Variants in KLF12 observed in about 807,000 individuals in gnomAD.
The protein encoded by KLF12 is Krueppel-like factor 12.
KLF12 carries 9 observed loss-of-function variants against 37.8 expected under a neutral mutation model. The ratio of observed to expected loss-of-function variants is 0.24; its 90% CI spans 0.14 to 0.42. The LOEUF (loss-of-function observed/expected upper bound fraction) is 0.42, where lower values mean the gene tolerates loss of function less well. Ranked by LOEUF, KLF12 falls within the 10% of genes least tolerant of loss-of-function variation. KLF12 has a pLI of 1.00. For missense variants in KLF12, 411 were observed against 516.0 expected (o/e 0.80, Z 1.97); for synonymous variants, 208 against 202.1 (o/e 1.03, Z -0.25).
chr13:74,143,362 A>AAATACAATTTCATTCTCAATTCCG, the KLF12 span, among the ~76,000 whole-genome samples: 48 of 152,210 alleles, frequency 3.2e-4, no homozygotes, highest in African/African-American at 1.1e-3. Flanking sequence ...TCTCAATTCC[A>AAATACAATTTCATTCTCAATTCCG]AATAAAAATG....
chr13:74,295,118 C>T, the KLF12 span, among the ~76,000 whole-genome samples: 52 of 152,328 alleles, frequency 3.4e-4, no homozygotes, highest in Middle Eastern at 3.4e-3. Context: ...AATGGAGATA[C>T]TACTGCTTAT....
chr13:73,847,019 G>T (rs1048150171), intron 3 of KLF12, among the ~76,000 whole-genome samples: 3 of 152,104 alleles, frequency 2.0e-5, no homozygotes, highest in Admixed American at 2.0e-4. Flanking sequence ...AAATAATGAT[G>T]ATAATGTTGT....
chr13:73,823,860 GC>G (rs1283224414), intron 4 of KLF12, among the ~76,000 whole-genome samples: 1 of 151,998 alleles, frequency 6.6e-6, no homozygotes, highest in African/African-American at 2.4e-5. Context: ...ACAGGTGCAT[GC>G]CACCATGCCC....
chr13:73,688,741 GT>G lies in KLF12; in HGVS notation c.*6748del, dbSNP rs1873644562. The G allele has an allele frequency of 1.3e-5, 2 of 152,142 alleles. No homozygotes were observed. The highest frequency in any genetic ancestry group is 2.4e-5 in the African/African-American group (1 of 41,418). 9.4% of individuals were successfully genotyped at this position (152,142 alleles called of 1,614,324 possible). Reference sequence around the variant, plus strand: ...ATTGTTAAGTCATGTGTTATATCATGTCCCGATATTTCACTTGAAAAATATG... The same window carrying G: ...ATTGTTAAGTCATGTGTTATATCATGCCCGATATTTCACTTGAAAAATATG... On this transcript the variant is annotated 3_prime_UTR_variant, in exon 8 of 8. Coordinates refer to ENST00000377669, the MANE Select transcript of KLF12 (RefSeq NM_007249.5).
At chr13:73,979,348 C>CT (rs1400840005) in intron 2 of KLF12, among the ~76,000 whole-genome samples, 1 of 117,170 alleles carries the variant, frequency 8.5e-6, no homozygotes, top group Non-Finnish European at 1.7e-5. Flanking sequence ...AAACAGTCTG[C>CT]TTTTAAACAC....
rs374001493 is a variant in KLF12 at position 73,996,424 on chromosome 13, C to T, written c.-31-1371G>A. ...GTCTTCAAAATATATCTAATCCAAT[C>T]GGTTCCAACTTCTTAGCCGAATGTT... On this transcript the variant is annotated intron_variant, in intron 1 of 7. Transcript: ENST00000377669. Among the ~76,000 whole-genome samples the T allele has an allele frequency of 3.6e-4, 55 of 152,296 alleles. 1 individual carries two copies. The highest frequency in any genetic ancestry group is 1.2e-3 in the African/African-American group (49 of 41,580).
At chr13:73,793,554 G>C (rs1256312654) in intron 5 of KLF12, among the ~76,000 whole-genome samples, 5 of 152,140 alleles carry the variant, frequency 3.3e-5, no homozygotes, top group African/African-American at 1.2e-4. Context: ...AATAAGCTTG[G>C]AGCTATGAAT....
chr13:73,916,246 C>CACACAT (rs1491519733), intron 3 of KLF12, among the ~76,000 whole-genome samples: 4 of 32,990 alleles, frequency 1.2e-4, no homozygotes, highest in African/African-American at 3.4e-4. Context: ...CACACGCACA[C>CACACAT]GCACACACAC....
intron 1 of KLF12, among the ~76,000 whole-genome samples, chr13:74,090,633 C>T (rs1483982403): frequency 1.3e-5 from 2 of 152,084 alleles, no homozygotes; most frequent in Non-Finnish European, 2.9e-5. Flanking sequence ...TGCTTAGTTG[C>T]CATCCATGTA....
intron 1 of KLF12, among the ~76,000 whole-genome samples, chr13:74,061,159 T>G (rs1304457475): frequency 6.6e-6 from 1 of 152,192 alleles, no homozygotes. Context: ...AAATGAGGCA[T>G]TTCAGATATA....
At chr13:73,743,577 T>G (rs1050141424) in intron 6 of KLF12, among the ~76,000 whole-genome samples, 4 of 152,118 alleles carry the variant, frequency 2.6e-5, no homozygotes, top group African/African-American at 9.7e-5. Flanking sequence ...AAAAAAACGT[T>G]CTCCCATTCA....
At chr13:73,869,986 C>T (rs774792692) in intron 3 of KLF12, among the ~76,000 whole-genome samples, 4 of 152,130 alleles carry the variant, frequency 2.6e-5, no homozygotes, top group Non-Finnish European at 5.9e-5. Context: ...ATACGATGTA[C>T]GATTACCCAG....
At chr13:74,216,357 T>C in the KLF12 span, among the ~76,000 whole-genome samples, 4 of 152,190 alleles carry the variant, frequency 2.6e-5, no homozygotes, top group South Asian at 8.3e-4. Context: ...AAGTGTTTCA[T>C]TGGCCACAGG....
At chr13:73,897,140 A>C (rs117244977) in intron 3 of KLF12, among the ~76,000 whole-genome samples, 2,730 of 152,228 alleles carry the variant, frequency 0.018, 96 homozygotes, top group Admixed American at 0.088. Flanking sequence ...TAGTGGAAGG[A>C]GGGAATATCA....
chr13:73,810,595 A>G (rs952195809), intron 5 of KLF12, among the ~76,000 whole-genome samples: 1 of 151,882 alleles, frequency 6.6e-6, no homozygotes, highest in African/African-American at 2.4e-5. Context: ...TTTAGTCACT[A>G]CAGTTCCAAA....
At chr13:73,841,168 A>T (rs1323379472) in intron 4 of KLF12, among the ~76,000 whole-genome samples, 1 of 152,154 alleles carries the variant, frequency 6.6e-6, no homozygotes, top group Non-Finnish European at 1.5e-5. Context: ...ATTCCTAGAA[A>T]TGTGGTTGGT....
chr13:73,818,545 CCAAA>C (rs750666655), intron 4 of KLF12, among the ~76,000 whole-genome samples: 21 of 152,256 alleles, frequency 1.4e-4, no homozygotes, highest in Non-Finnish European at 2.2e-4. Flanking sequence ...TGTCTAAAGA[CCAAA>C]CACTCTTCTA....
At chr13:73,786,504 T>C (rs1881353909) in intron 5 of KLF12, among the ~76,000 whole-genome samples, 1 of 152,060 alleles carries the variant, frequency 6.6e-6, no homozygotes, top group Non-Finnish European at 1.5e-5. Context: ...TATTTGTTGT[T>C]GTTATAGGGC....
At chr13:74,064,230 A>C (rs111740932) in intron 1 of KLF12, among the ~76,000 whole-genome samples, 1 of 152,178 alleles carries the variant, frequency 6.6e-6, no homozygotes, top group Non-Finnish European at 1.5e-5. Flanking sequence ...AAAACATCAC[A>C]GGGATTCTCA....
Sources: gnomAD v4.1 joint callset for allele counts (sites outside exome capture counted in the v4.1 genomes callset) on GRCh38, gnomAD v4.1.1 for gene constraint, MANE v1.5 for transcripts, NCBI Gene and HGNC (gene_info 2026-07-23, HGNC 2026-07-21) for gene names.